Variants in USH2A observed in about 807,000 individuals in gnomAD.
The protein encoded by USH2A is usherin.
A neutral mutation model predicts 538.9 loss-of-function variants in USH2A; 443 were observed. That is an observed-to-expected ratio of 0.82 (90% CI 0.76 to 0.89). The LOEUF is 0.89. Ranked by LOEUF, USH2A falls within the 40% of genes least tolerant of loss-of-function variation. USH2A has a pLI of 0.00. For missense variants in USH2A, 6,633 were observed against 6,324.8 expected (o/e 1.05, Z -1.65); for synonymous variants, 2,413 against 2,273.5 (o/e 1.06, Z -1.75).
intron 4 of USH2A, among the ~76,000 whole-genome samples, chr1:216,345,826 C>T (rs1316002873): frequency 1.3e-5 from 2 of 152,052 alleles, no homozygotes; most frequent in African/African-American, 4.8e-5. Context: ...TTCTCTAGGT[C>T]TCTACCATCC....
In USH2A at chr1:215,877,794, C is replaced by G. The variant is rs527467361; in HGVS notation, c.8645G>C (p.Gly2882Ala). Residue 2882 changes from glycine (G) to alanine (A), a missense_variant, in exon 43 of 72, where the codon GGA becomes GCA. By Grantham distance (60) the Gly-to-Ala change is moderately conservative (BLOSUM62 0). Transcript: ENST00000307340. ...CTTATCTTCATAAAGCCACTGAGTT[C>G]CTGAATAAATATTGTGCCACCGATT... ...DLNRWHNIYS[G>A]TQWLYEDKGL... The G allele has an allele frequency of 1.4e-5, 22 of 1,613,736 alleles. 1 individual carries two copies. In the South Asian group the frequency reaches 2.4e-4, roughly 18 times the overall value.
chr1:215,761,596 C>T (rs1351726539), intron 56 of USH2A, among the ~76,000 whole-genome samples: 1 of 152,094 alleles, frequency 6.6e-6, no homozygotes, highest in African/African-American at 2.4e-5. Flanking sequence ...AAATATATCT[C>T]CTGCAAAATG....
chr1:216,203,970 A>C (rs1380141502), intron 16 of USH2A: 1 of 162,552 alleles, frequency 6.2e-6, no homozygotes, highest in Non-Finnish European at 1.5e-5. Context: ...GGGTGTAGGG[A>C]GCAAATTATG....
In USH2A at chr1:216,048,547, A is replaced by G. The variant is rs757618478; in HGVS notation, c.6150T>C (p.Ser2050=). ...CTESSHALNI[S]TPQEAPQEVQ... is the part of the protein sequence containing the mutation. Reference sequence around the variant, plus strand: ...AAATTACTTTACCTTCTTGTGGAGTAGAGATGTTCAATGCATGTGAGCTCT... The same window carrying G: ...AAATTACTTTACCTTCTTGTGGAGTGGAGATGTTCAATGCATGTGAGCTCT... Residue 2050 remains serine (S), a synonymous_variant, in exon 31 of 72, where the codon TCT becomes TCC. Transcript: ENST00000307340. 6.2e-7 allele frequency: 1 copy of G among 1,613,032 alleles called. No homozygotes were observed. Among genetic ancestry groups the G allele is most frequent in the Non-Finnish European group, 8.5e-7 (1 of 1,178,966 alleles).
chr1:216,228,923 CAGCACTTTGGG>C (rs1351229263), intron 14 of USH2A, among the ~76,000 whole-genome samples: 6 of 152,038 alleles, frequency 3.9e-5, no homozygotes, highest in African/African-American at 1.2e-4. Context: ...CCTGTAATCC[CAGCACTTTGGG>C]AGGCCGAGGT....
rs1361093901 is a variant in USH2A at position 215,811,818 on chromosome 1, A to C, written c.9739+1918T>G. ...CTACTTGGGAGGCTGAGGCAGGAGA[A>C]TCGCTTGAACCTGGGAGGTGGAGGT... On this transcript the variant is annotated intron_variant, in intron 49 of 71. Coordinates refer to ENST00000307340, the MANE Select transcript of USH2A (RefSeq NM_206933.4). Among the ~76,000 whole-genome samples the C allele has an allele frequency of 4.6e-5, 7 of 151,850 alleles. No homozygotes were observed. In the East Asian group the frequency reaches 1.4e-3, roughly 30 times the overall value.
intron 46 of USH2A, among the ~76,000 whole-genome samples, chr1:215,838,619 C>A (rs1366660577): frequency 6.6e-6 from 1 of 152,124 alleles, no homozygotes; most frequent in Non-Finnish European, 1.5e-5. Flanking sequence ...GTTCCAGATG[C>A]AATTGTATTT....
chr1:216,013,127 C>T (rs12743417), intron 32 of USH2A, among the ~76,000 whole-genome samples: 4 of 152,272 alleles, frequency 2.6e-5, no homozygotes, highest in Non-Finnish European at 4.4e-5. Flanking sequence ...TGTCCTGAGT[C>T]GTCCCAATAC....
At chr1:216,167,367 C>T (rs770346090) in intron 21 of USH2A, among the ~76,000 whole-genome samples, 11 of 152,030 alleles carry the variant, frequency 7.2e-5, no homozygotes, top group African/African-American at 2.2e-4. Flanking sequence ...ACACCTGAGA[C>T]GGGTGATCAG....
chr1:215,650,647 C>A lies in USH2A; in HGVS notation c.14288G>T (p.Gly4763Val), dbSNP rs781195579. The part of the protein sequence containing the change: ...VNISAPGKPN[G>V]IVSLYRLFSS... ...GAACAGCCTGTAGAGACTGACGATC[C>A]CGTTGGGCTTCCCAGGGGCACTGAT... is the stretch of plus-strand genomic sequence containing the variant. Residue 4763 changes from glycine (G) to valine (V), a missense_variant, in exon 65 of 72, where the codon GGG (glycine) becomes GTG (valine). By Grantham distance (109) the Gly-to-Val change is moderately radical. Transcript: ENST00000307340. The A allele has an allele frequency of 1.2e-6, 2 of 1,614,098 alleles. No individual in the cohort carries two copies. Among genetic ancestry groups the A allele is most frequent in the South Asian group, 2.2e-5 (2 of 91,076 alleles).
chr1:215,721,544 A>G (rs4449992), intron 61 of USH2A, among the ~76,000 whole-genome samples: 28,716 of 152,078 alleles, frequency 0.19, 2,975 homozygotes, highest in Non-Finnish European at 0.23. Context: ...GGAGAAAAAT[A>G]TGGCTCTTTC....
chr1:216,083,391 G>A, intron 26 of USH2A, 65 bp downstream of exon 26: 1 of 1,543,536 alleles, frequency 6.5e-7, no homozygotes, highest in Non-Finnish European at 8.9e-7. Flanking sequence ...GCCAACACAT[G>A]GTTTATTTAT....
intron 11 of USH2A, 113 bp downstream of exon 11, chr1:216,289,167 A>C: frequency 6.8e-7 from 1 of 1,480,724 alleles, no homozygotes; most frequent in Non-Finnish European, 9.4e-7. Flanking sequence ...ATGCAAATGC[A>C]CATAGAGGAT....
At chr1:216,058,294 A>C (rs2031052472) in intron 30 of USH2A, among the ~76,000 whole-genome samples, 1 of 149,084 alleles carries the variant, frequency 6.7e-6, no homozygotes, top group South Asian at 2.1e-4. Context: ...TAATGAATTA[A>C]AAATGATAAA....
At chr1:216,046,311 C>T in intron 32 of USH2A, 120 bp downstream of exon 32, 4 of 1,058,462 alleles carry the variant, frequency 3.8e-6, no homozygotes, top group East Asian at 2.6e-5. Context: ...TCACATATTT[C>T]CTAAGCATTC....
intron 37 of USH2A, among the ~76,000 whole-genome samples, chr1:215,956,703 A>G (rs1357115253): frequency 6.6e-6 from 1 of 152,196 alleles, no homozygotes; most frequent in Admixed American, 6.5e-5. Flanking sequence ...ACACAACAGC[A>G]TAGAGTATGC....
intron 38 of USH2A, among the ~76,000 whole-genome samples, chr1:215,923,747 C>T (rs1485591678): frequency 6.6e-6 from 1 of 151,990 alleles, no homozygotes; most frequent in African/African-American, 2.4e-5. Context: ...TGCACAAGAG[C>T]ATGATAGTAA....
chr1:216,132,332 A>T (rs1571986740), intron 21 of USH2A, among the ~76,000 whole-genome samples: 1 of 152,054 alleles, frequency 6.6e-6, no homozygotes, highest in South Asian at 2.1e-4. Flanking sequence ...CACTCATTGG[A>T]GGCCAGAAAT....
chr1:215,673,044 C>T (rs1006228646), intron 63 of USH2A, among the ~76,000 whole-genome samples: 1 of 152,188 alleles, frequency 6.6e-6, no homozygotes, highest in African/African-American at 2.4e-5. Context: ...ATATACAGCT[C>T]TGCAGCTACA....
Sources: allele counts gnomAD v4.1 joint callset (sites outside exome capture counted in the v4.1 genomes callset), GRCh38; gene constraint gnomAD v4.1.1; transcripts MANE v1.5; gene names NCBI Gene and HGNC (gene_info 2026-07-23, HGNC 2026-07-21).